Variants in MALRD1 observed in about 807,000 individuals in gnomAD.
MALRD1 encodes the protein MAM and LDL-receptor class A domain-containing protein 1.
Under a neutral mutation model 242.1 loss-of-function variants are expected in MALRD1, and 247 were observed. The observed-to-expected ratio is 1.02, with a 90% confidence interval of 0.92 to 1.13. The LOEUF is 1.13. Among genes scored for constraint, MALRD1 ranks in the 50% most tolerant of loss-of-function variants. The probability of loss-of-function intolerance (pLI) is 0.00; values close to 1 mark genes in which losing one functional copy is unlikely to be tolerated. For synonymous variants in MALRD1, 995 were observed against 866.6 expected, an observed-to-expected ratio of 1.15 and a Z score of -2.60; for missense variants, 2,989 against 2,533.1, an observed-to-expected ratio of 1.18 and a Z score of -3.86.
At chr10:19,102,941 C>T (rs140246858) in intron 4 of MALRD1, among the ~76,000 whole-genome samples, 2 of 151,766 alleles carry the variant, frequency 1.3e-5, no homozygotes, top group East Asian at 3.9e-4. Context: ...CTGCGCCTCC[C>T]GGTTCAAGCA....
Position 19,066,806 on chromosome 10 carries a change from GTGGGA to G in MALRD1, c.290_294del (p.Gly97AspfsTer9). ...CTGCAACCTAGTTGGACAAAGAGAA[GTGGGA>G]TGATTGGTCTATCACCTCCATTTTA... On this transcript the variant is annotated frameshift_variant, in exon 2 of 40. Transcript: ENST00000454679. LOFTEE classifies it high-confidence loss of function. 8.1e-7 allele frequency: 1 copy of G among 1,233,720 alleles called. No individual in the cohort carries two copies. The highest frequency in any genetic ancestry group is 1.0e-6 in the Non-Finnish European group (1 of 988,036). 76.4% of individuals were successfully genotyped at this position (1,233,720 alleles called of 1,614,324 possible).
At chr10:19,357,698 T>A (rs988367024) in intron 26 of MALRD1, among the ~76,000 whole-genome samples, 2 of 152,172 alleles carry the variant, frequency 1.3e-5, no homozygotes, top group Admixed American at 6.6e-5. Context: ...ACTTGGAATT[T>A]GCACAATGTA....
chr10:19,393,980 T>A (rs982634033), intron 28 of MALRD1, among the ~76,000 whole-genome samples: 1 of 152,202 alleles, frequency 6.6e-6, no homozygotes, highest in African/African-American at 2.4e-5. Context: ...TTGGAACTCT[T>A]CCATCTGTAA....
At chr10:19,134,137 C>T (rs896640209) in intron 9 of MALRD1, among the ~76,000 whole-genome samples, 189 bp downstream of exon 9, 7 of 151,970 alleles carry the variant, frequency 4.6e-5, no homozygotes, top group Admixed American at 1.3e-4. Context: ...TTTCCCATGG[C>T]GGGGGAAATT....
intron 4 of MALRD1, among the ~76,000 whole-genome samples, chr10:19,094,547 G>A (rs983577733): frequency 5.3e-5 from 8 of 151,558 alleles, no homozygotes; most frequent in Admixed American, 1.3e-4. Flanking sequence ...GAAATCACCC[G>A]TCTTCTGCGT....
intron 32 of MALRD1, among the ~76,000 whole-genome samples, chr10:19,564,983 A>G: frequency 6.6e-6 from 1 of 152,174 alleles, no homozygotes; most frequent in East Asian, 1.9e-4. Flanking sequence ...CACAGTGGCT[A>G]TGAAAACACT....
At chr10:19,649,269 G>T (rs147995921) in intron 36 of MALRD1, among the ~76,000 whole-genome samples, 1 of 152,148 alleles carries the variant, frequency 6.6e-6, no homozygotes, top group Non-Finnish European at 1.5e-5. Context: ...GAGATTGCTG[G>T]GTTGAATGGT....
intron 29 of MALRD1, among the ~76,000 whole-genome samples, chr10:19,482,330 AAGAT>A (rs1489608485): frequency 6.6e-6 from 1 of 152,066 alleles, no homozygotes; most frequent in African/African-American, 2.4e-5. Flanking sequence ...CAAGTTAAAA[AAGAT>A]AGATGACAAG....
intron 18 of MALRD1, among the ~76,000 whole-genome samples, chr10:19,231,155 G>A (rs569308782): frequency 1.3e-5 from 2 of 152,170 alleles, no homozygotes; most frequent in Non-Finnish European, 2.9e-5. Context: ...AGAATGGCCA[G>A]TGAAAGGTAT....
At chr10:19,486,750 A>T (rs781613662) in intron 29 of MALRD1, among the ~76,000 whole-genome samples, 44 of 152,184 alleles carry the variant, frequency 2.9e-4, no homozygotes, top group Non-Finnish European at 5.0e-4. Context: ...TTATCTATAT[A>T]ATGATTATAT....
intron 34 of MALRD1, among the ~76,000 whole-genome samples, chr10:19,596,280 T>C (rs902942533): frequency 4.6e-5 from 7 of 152,180 alleles, no homozygotes; most frequent in Non-Finnish European, 7.4e-5. Flanking sequence ...TTTGTTTGCT[T>C]CCTTACTTAT....
At chr10:19,316,045 T>C (rs1401204909) in intron 21 of MALRD1, among the ~76,000 whole-genome samples, 2 of 150,098 alleles carry the variant, frequency 1.3e-5, no homozygotes, top group African/African-American at 4.9e-5. Flanking sequence ...GTGCCTCCTT[T>C]ATATTGGTAC....
intron 21 of MALRD1, among the ~76,000 whole-genome samples, chr10:19,304,332 C>T (rs1321779620): frequency 6.7e-6 from 1 of 150,034 alleles, no homozygotes; most frequent in Non-Finnish European, 1.5e-5. Flanking sequence ...GTCTGTCTAT[C>T]CCTCATCTCT....
At chr10:19,259,287 G>A (rs1443901349) in intron 19 of MALRD1, among the ~76,000 whole-genome samples, 1 of 151,844 alleles carries the variant, frequency 6.6e-6, no homozygotes, top group East Asian at 1.9e-4. Flanking sequence ...TACTACAAAG[G>A]CCTCTTAGCT....
chr10:19,103,560 A>AAAT (rs1836351689), intron 4 of MALRD1, among the ~76,000 whole-genome samples: 1 of 149,446 alleles, frequency 6.7e-6, no homozygotes, highest in African/African-American at 2.5e-5. Flanking sequence ...TCAAAAAAAA[A>AAAT]AAAAATAAAT....
chr10:19,118,572 A>T lies in MALRD1; in HGVS notation c.695-4920A>T, dbSNP rs187658131. Among the ~76,000 whole-genome samples the T allele has an allele frequency of 1.6e-4, 24 of 152,310 alleles. 1 individual carries two copies. The East Asian group carries it at 4.2e-3, about 27-fold the overall frequency. ...AGCTCGTAGAGACCAAGGTTTTATC[A>T]TGTAGATGAAGCCTCCAGATAGCAA... On this transcript the variant is annotated intron_variant, in intron 5 of 39. Transcript: ENST00000454679.
chr10:19,164,174 A>G (rs1023267423), intron 12 of MALRD1, among the ~76,000 whole-genome samples: 2 of 151,364 alleles, frequency 1.3e-5, no homozygotes, highest in Non-Finnish European at 3.0e-5. Context: ...ATCTGAAATG[A>G]AATAAACAAT....
chr10:19,590,658 G>A (rs1476368414), intron 33 of MALRD1, among the ~76,000 whole-genome samples: 2 of 151,976 alleles, frequency 1.3e-5, no homozygotes, highest in Non-Finnish European at 2.9e-5. Context: ...CTCACCACCG[G>A]TATTTTATTT....
chr10:19,605,111 C>T (rs990315219), intron 34 of MALRD1, among the ~76,000 whole-genome samples: 3 of 151,866 alleles, frequency 2.0e-5, no homozygotes, highest in Admixed American at 6.6e-5. Context: ...TCTCCTGAAA[C>T]CCTAGACAAT....
Sources: gnomAD v4.1 joint callset for allele counts (sites outside exome capture counted in the v4.1 genomes callset) on GRCh38, gnomAD v4.1.1 for gene constraint, MANE v1.5 for transcripts, NCBI Gene and HGNC (gene_info 2026-07-23, HGNC 2026-07-21) for gene names.